Variants in PHLDB3 observed in about 807,000 individuals in gnomAD.
The protein encoded by PHLDB3 is pleckstrin homology like domain family B member 3.
Under a neutral mutation model 85.7 loss-of-function variants are expected in PHLDB3, and 86 were observed. The ratio of observed to expected loss-of-function variants is 1.00; its 90% CI spans 0.84 to 1.20. PHLDB3 has a LOEUF of 1.20. PHLDB3 is among the 50% of genes most tolerant of loss of function. The probability of loss-of-function intolerance (pLI) is 0.00; values close to 1 mark genes in which losing one functional copy is unlikely to be tolerated. For missense variants in PHLDB3, 995 were observed against 873.0 expected (o/e 1.14, Z -1.76); for synonymous variants, 376 against 349.8 (o/e 1.07, Z -0.83).
chr19:43,487,041 A>G lies in PHLDB3; in HGVS notation c.1232T>C (p.Leu411Pro). The G allele has an allele frequency of 6.4e-7, 1 of 1,573,296 alleles. No individual in the cohort carries two copies. The highest frequency in any genetic ancestry group is 8.6e-7 in the Non-Finnish European group (1 of 1,161,714). Reference sequence around the variant, plus strand: ...ATCCTCACCAGTACAATGGAAGGACAGAGGTCGGGGGGATCCTCTCTGGCT... The same window carrying G: ...ATCCTCACCAGTACAATGGAAGGACGGAGGTCGGGGGGATCCTCTCTGGCT... ...RGSQRGSPRP[L>P]SFHCTESLEA... The change falls in exon 10 of 16, where the codon CTG becomes CCG. Residue 411 changes from leucine (L) to proline (P), a missense_variant. Physicochemically the swap from Leu to Pro is moderately conservative, Grantham distance 98. Coordinates refer to ENST00000292140, the MANE Select transcript of PHLDB3 (RefSeq NM_198850.4).
intron 4 of PHLDB3, among the ~76,000 whole-genome samples, chr19:43,501,175 CTTTTTTTT>C (rs59042804): frequency 4.8e-5 from 4 of 83,600 alleles, no homozygotes; most frequent in Non-Finnish European, 6.6e-5. Flanking sequence ...TTCTTTTTCT[CTTTTTTTT>C]TTTTTTTTTT....
At position 43,475,291 on chromosome 19, in the gene PHLDB3, CG is replaced by C; in HGVS notation, c.*118del. ...TGAACTGCCGCGCCTGCGGAATTCC[CG>C]GGAGAGTTCCAAAGCGGTGCGTCCA... On this transcript the variant is annotated 3_prime_UTR_variant, in exon 16 of 16. Transcript: ENST00000292140. 1.5e-6 allele frequency: 2 copies of C among 1,374,718 alleles called. No individual in the cohort carries two copies. The highest frequency in any genetic ancestry group is 2.0e-6 in the Non-Finnish European group (2 of 1,020,904). 85.2% of individuals were successfully genotyped at this position (1,374,718 alleles called of 1,614,324 possible). A position where few individuals can be genotyped will look rare whatever the true frequency, so the allele number is the denominator to read the frequency against.
chr19:43,484,732 A>G (rs1468756000), intron 13 of PHLDB3, among the ~76,000 whole-genome samples: 1 of 152,138 alleles, frequency 6.6e-6, no homozygotes. Context: ...AAGCCTATCT[A>G]TTGGAGATAC....
intron 14 of PHLDB3, among the ~76,000 whole-genome samples, chr19:43,478,659 T>G (rs1970975752): frequency 6.6e-6 from 1 of 152,170 alleles, no homozygotes; most frequent in Non-Finnish European, 1.5e-5. Flanking sequence ...CTCAAGCCTG[T>G]AATCCCAGCA....
rs1167897767 is a variant in PHLDB3, at chr19:43,487,591, A to AAAAAAAAAAAAAAC, written c.1150-469_1150-468insGTTTTTTTTTTTTT. Among the ~76,000 whole-genome samples the AAAAAAAAAAAAAAC allele has an allele frequency of 4.1e-3, 467 of 114,924 alleles. 5 individuals carry two copies. Among genetic ancestry groups the AAAAAAAAAAAAAAC allele is most frequent in the Non-Finnish European group, 6.1e-3 (309 of 50,768 alleles). The allele number at this position is 114,924 out of a possible 152,430, so 75.4% of individuals were successfully genotyped here. ...CTCTGTCTCAAAAAAAAAAAAAAAA[A>AAAAAAAAAAAAAAC]ACACAGAAAAGAAAAAAAGAAATGT... On this transcript the variant is annotated intron_variant, in intron 9 of 15. Coordinates refer to ENST00000292140, the MANE Select transcript of PHLDB3 (RefSeq NM_198850.4).
In PHLDB3 at chr19:43,486,810, T is replaced by C. The variant is rs779894163; in HGVS notation, c.1310A>G (p.Tyr437Cys). The C allele has an allele frequency of 6.3e-7, 1 of 1,593,776 alleles. No homozygotes were observed. Among genetic ancestry groups the C allele is most frequent in the African/African-American group, 1.3e-5 (1 of 74,766 alleles). Residue 437 changes from tyrosine to cysteine, a missense_variant, in exon 11 of 16, where the codon TAC becomes TGC. Tyr to Cys is a radical substitution (Grantham distance 194, BLOSUM62 -2). Transcript: ENST00000292140. ...CCCACGGCCACAGTTCAGCAGCTGGTAGAGGGGGTATCTGCCGGAGTCCCC... is the reference window on the plus strand; with the variant it reads ...CCCACGGCCACAGTTCAGCAGCTGGCAGAGGGGGTATCTGCCGGAGTCCCC... ...AVGDSGRYPL[Y>C]QLLNCGRGNS...
At chr19:43,483,628 T>C (rs916123770) in intron 13 of PHLDB3, among the ~76,000 whole-genome samples, 13 of 152,156 alleles carry the variant, frequency 8.5e-5, no homozygotes, top group Non-Finnish European at 1.8e-4. Flanking sequence ...GTTATTAGTA[T>C]AGGCAAAAAT....
At chr19:43,486,109 A>G (rs1971148739) in intron 13 of PHLDB3, 157 bp downstream of exon 13, 4 of 985,326 alleles carry the variant, frequency 4.1e-6, no homozygotes, top group Admixed American at 6.2e-5. Context: ...TCATGGGAAC[A>G]GGAACTGGTC....
intron 9 of PHLDB3, among the ~76,000 whole-genome samples, chr19:43,494,434 T>C (rs932742253): frequency 1.3e-5 from 2 of 151,514 alleles, no homozygotes; most frequent in African/African-American, 4.9e-5. Flanking sequence ...TAAAATATGC[T>C]GTTTGGTTGC....
At chr19:43,480,537 G>A (rs1422448407) in intron 13 of PHLDB3, among the ~76,000 whole-genome samples, 2 of 152,082 alleles carry the variant, frequency 1.3e-5, no homozygotes, top group Non-Finnish European at 1.5e-5. Flanking sequence ...AAATTGCATT[G>A]AGCTATGATT....
At chr19:43,484,647 G>A (rs1344868851) in intron 13 of PHLDB3, among the ~76,000 whole-genome samples, 1 of 152,166 alleles carries the variant, frequency 6.6e-6, no homozygotes, top group Non-Finnish European at 1.5e-5. Context: ...GGGAGGCAGA[G>A]GTTCCAGTGA....
chr19:43,475,536 G>T lies in PHLDB3; in HGVS notation c.1797C>A (p.Asn599Lys), dbSNP rs1970909931. 4 of 1,613,934 alleles carry T rather than the reference G, an allele frequency of 2.5e-6. No homozygotes were observed. The highest frequency in any genetic ancestry group is 3.4e-6 in the Non-Finnish European group (4 of 1,179,874). The change falls in exon 16 of 16, where the codon AAC (asparagine) becomes AAA (lysine). Residue 599 changes from asparagine (N) to lysine (K), a missense_variant. By Grantham distance (94) the Asn-to-Lys change is moderately conservative. Transcript: ENST00000292140. ...DHLRCAFKSPNPRLTFCVKTY... is the reference protein window; with the variant it reads ...DHLRCAFKSPKPRLTFCVKTY... Reference sequence around the variant, plus strand: ...TTTTGACGCAGAAGGTCAGGCGGGGGTTGGGGCTCTGGAATAAGCAGAAAG... The same window carrying T: ...TTTTGACGCAGAAGGTCAGGCGGGGTTTGGGGCTCTGGAATAAGCAGAAAG...
intron 9 of PHLDB3, among the ~76,000 whole-genome samples, chr19:43,487,777 T>C (rs982152146): frequency 1.3e-5 from 2 of 151,910 alleles, no homozygotes; most frequent in Non-Finnish European, 2.9e-5. Context: ...ACGTTGAATA[T>C]ACTAAAAGAC....
rs1399170213 is a variant in PHLDB3 at position 43,479,599 on chromosome 19, G to A, written c.1486-6C>T. The A allele has an allele frequency of 2.7e-6, 4 of 1,490,476 alleles. No homozygotes were observed. Among genetic ancestry groups the A allele is most frequent in the South Asian group, 2.4e-5 (2 of 82,790 alleles). 92.3% of individuals were successfully genotyped at this position (1,490,476 alleles called of 1,614,324 possible). A position where few individuals can be genotyped will look rare whatever the true frequency, so the allele number is the denominator to read the frequency against. ...TGGGGTGGGGTGGGTGGGGCCTGGG[G>A]AGCAAAGAGACGGGGCAGCTGATGT... On this transcript the variant is annotated splice_region_variant and splice_polypyrimidine_tract_variant and intron_variant, in intron 13 of 15. Coordinates refer to ENST00000292140, the MANE Select transcript of PHLDB3 (RefSeq NM_198850.4).
rs1292973032 is a variant in PHLDB3, at chr19:43,503,928, C to T, written c.191G>A (p.Ser64Asn). 6.2e-7 allele frequency: 1 copy of T among 1,613,930 alleles called. No individual in the cohort carries two copies. The highest frequency in any genetic ancestry group is 8.5e-7 in the Non-Finnish European group (1 of 1,179,830). Residue 64 changes from serine to asparagine, a missense_variant, in exon 2 of 16, where the codon AGC (serine) becomes AAC (asparagine). Ser to Asn is a conservative substitution (Grantham distance 46). Transcript: ENST00000292140. The part of the protein sequence containing the change: ...AEEEEVGEGS[S>N]TESSRDAPEA... Reference sequence around the variant, plus strand: ...CACCGCGTCGCGGCTGCTCTCAGTGCTGCTGCCTTCTCCCACTTCTTCTTC... The same window carrying T: ...CACCGCGTCGCGGCTGCTCTCAGTGTTGCTGCCTTCTCCCACTTCTTCTTC...
rs145400600 is a variant in PHLDB3, at chr19:43,492,812, G to T, written c.1149+1890C>A. Among the ~76,000 whole-genome samples, 378 of 152,090 alleles carry T rather than the reference G, an allele frequency of 2.5e-3. 1 individual carries two copies. Among genetic ancestry groups the T allele is most frequent in the African/African-American group, 6.8e-3 (283 of 41,500 alleles). ...CAAAGACAAATCAGTAAGCCAATCA[G>T]CATGAAGCATTTGTAACCATGCCTT... is the stretch of plus-strand genomic sequence containing the variant. On this transcript the variant is annotated intron_variant, in intron 9 of 15. Transcript: ENST00000292140.
chr19:43,487,883 G>A (rs1240975742), intron 9 of PHLDB3, among the ~76,000 whole-genome samples: 1 of 152,114 alleles, frequency 6.6e-6, no homozygotes, highest in Non-Finnish European at 1.5e-5. Flanking sequence ...GCCAGGTGTG[G>A]TGGCTCACAC....
intron 9 of PHLDB3, among the ~76,000 whole-genome samples, chr19:43,494,082 G>T (rs1421987405): frequency 6.6e-6 from 1 of 152,148 alleles, no homozygotes; most frequent in Non-Finnish European, 1.5e-5. Flanking sequence ...GCCTAGGCTG[G>T]AGTACAGTGG....
chr19:43,486,418 G>A (rs986858778), intron 12 of PHLDB3, 96 bp from the exon 13 acceptor site: 31 of 1,345,290 alleles, frequency 2.3e-5, no homozygotes, highest in Non-Finnish European at 3.1e-5. Context: ...TGAGGGTACA[G>A]GGACTGGGGG....
Sources: gnomAD v4.1 joint callset for allele counts (sites outside exome capture counted in the v4.1 genomes callset) on GRCh38, gnomAD v4.1.1 for gene constraint, MANE v1.5 for transcripts, NCBI Gene and HGNC (gene_info 2026-07-23, HGNC 2026-07-21) for gene names.